Variants in TUBB1 observed in about 807,000 individuals in gnomAD.
TUBB1 encodes the protein tubulin beta 1 class VI, also known as tubulin beta-1 chain.
In TUBB1, 28 loss-of-function variants were observed where a neutral mutation model predicts 22.6. That is an observed-to-expected ratio of 1.24 (90% CI 0.92 to 1.70). TUBB1 has a LOEUF of 1.70. Ranked by LOEUF, TUBB1 falls within the 40% of genes most tolerant of loss-of-function variation. The probability of loss-of-function intolerance (pLI) is 0.00; values close to 1 mark genes in which losing one functional copy is unlikely to be tolerated. For synonymous variants in TUBB1, 226 were observed against 238.0 expected (o/e 0.95, Z 0.46); for missense variants, 577 against 605.5 (o/e 0.95, Z 0.49).
intron 1 of TUBB1, 94 bp downstream of exon 1, chr20:59,019,673 G>A: frequency 1.5e-6 from 2 of 1,295,548 alleles, no homozygotes; most frequent in Non-Finnish European, 2.2e-6. Flanking sequence ...AAGACAATAA[G>A]TCTAGCAGAT....
Position 59,023,502 on chromosome 20 carries a change from T to C in TUBB1, c.179T>C (p.Val60Ala), listed in dbSNP as rs1274378768. The part of the protein sequence containing the change: ...YYNEAYGRKY[V>A]PRAVLVDLEP... ...TTTTTCTACACAGGTAGGAAATATGTGCCCCGAGCAGTCTTGGTGGACCTA... is the reference window on the plus strand; with the variant it reads ...TTTTTCTACACAGGTAGGAAATATGCGCCCCGAGCAGTCTTGGTGGACCTA... The change falls in exon 3 of 4, where the codon GTG becomes GCG. Residue 60 changes from valine (V) to alanine (A), a missense_variant. Physicochemically the swap from Val to Ala is moderately conservative, Grantham distance 64. Transcript: ENST00000217133. 6.2e-7 allele frequency: 1 copy of C among 1,614,024 alleles called. No individual in the cohort carries two copies. Among genetic ancestry groups the C allele is most frequent in the African/African-American group, 1.3e-5 (1 of 74,922 alleles).
rs753978071 is a variant in TUBB1, at chr20:59,023,847, C to A, written c.420C>A (p.Gly140=). ...LQGFQIVHSL[G]GGTGSGMGTL... ...GCTTCCAGATCGTCCACTCCCTGGG[C>A]GGGGGCACAGGCTCCGGGATGGGCA... Residue 140 remains glycine (G), a synonymous_variant, in exon 4 of 4, where the codon GGC becomes GGA. Coordinates refer to ENST00000217133, the MANE Select transcript of TUBB1 (RefSeq NM_030773.4). The A allele has an allele frequency of 6.2e-7, 1 of 1,614,064 alleles. No individual in the cohort carries two copies. The highest frequency in any genetic ancestry group is 1.3e-5 in the African/African-American group (1 of 75,016).
At chr20:59,022,008 TAAACAAAC>T (rs113873196) in intron 1 of TUBB1, among the ~76,000 whole-genome samples, 36 of 149,378 alleles carry the variant, frequency 2.4e-4, no homozygotes, top group African/African-American at 7.7e-4. Context: ...AATAAATAAA[TAAACAAAC>T]AAACAAACAA....
chr20:59,019,105 T>C, upstream of TUBB1: 1 of 227,984 alleles, frequency 4.4e-6, no homozygotes, highest in Non-Finnish European at 8.9e-6. Flanking sequence ...GGAGGTGGTC[T>C]GGTTACCTGG....
rs748284018 is a variant in TUBB1 at position 59,023,597 on chromosome 20, C to A, written c.274C>A (p.His92Asn). The A allele has an allele frequency of 1.2e-6, 2 of 1,614,108 alleles. No homozygotes were observed. The highest frequency in any genetic ancestry group is 2.2e-5 in the South Asian group (2 of 91,070). The change falls in exon 3 of 4, where the codon CAT becomes AAT. Residue 92 changes from histidine (H) to asparagine (N), a missense_variant. Physicochemically the swap from His to Asn is moderately conservative, Grantham distance 68. Coordinates refer to ENST00000217133, the MANE Select transcript of TUBB1 (RefSeq NM_030773.4). The stretch of plus-strand genomic sequence containing the variant: ...TCTCTTTCAACCCGACAGTTTTGTC[C>A]ATGGTATGTTTTTCCAGAAGGTTCC... The part of the protein sequence containing the change: ...GALFQPDSFV[H>N]GNSGAGNNWA...
intron 1 of TUBB1, among the ~76,000 whole-genome samples, chr20:59,021,300 T>G (rs2091965881): frequency 1.3e-5 from 2 of 152,204 alleles, no homozygotes; most frequent in African/African-American, 4.8e-5. Context: ...GACTCATCAT[T>G]TAGAGATATA....
rs752726410 is a variant in TUBB1 at position 59,022,923 on chromosome 20, A to G, written c.136A>G (p.Arg46Gly). ...DRGASALQLE[R>G]ISVYYNEAYG... ...CGGGGCCTCGGCCTTGCAGCTGGAG[A>G]GAATCAGCGTGTACTACAACGAAGC... The change falls in exon 2 of 4, where the codon AGA becomes GGA. Residue 46 changes from arginine (R) to glycine (G), a missense_variant. Transcript: ENST00000217133. 6.2e-7 allele frequency: 1 copy of G among 1,614,038 alleles called. No homozygotes were observed. The highest frequency in any genetic ancestry group is 1.1e-5 in the South Asian group (1 of 91,068).
In TUBB1 at chr20:59,024,768, A is replaced by C; in HGVS notation, c.1341A>C (p.Glu447Asp). ...CGGAGGAGGCAGAAATGGAGCCAGA[A>C]GATAAGGGACATTAACTGTGAGAGA... is the stretch of plus-strand genomic sequence containing the variant. The part of the protein sequence containing the change: ...EVTEEAEMEP[E>D]DKGH The change falls in exon 4 of 4, where the codon GAA (glutamate) becomes GAC (aspartate). Residue 447 changes from glutamate to aspartate, a missense_variant. Coordinates refer to ENST00000217133, the MANE Select transcript of TUBB1 (RefSeq NM_030773.4). This position sits in a 1 kb window ranked among gnomAD's most constrained non-coding sequence, Gnocchi z 4.9. The C allele has an allele frequency of 6.2e-7, 1 of 1,614,126 alleles. No individual in the cohort carries two copies. The highest frequency in any genetic ancestry group is 8.5e-7 in the Non-Finnish European group (1 of 1,180,002).
At position 59,023,981 on chromosome 20, in the gene TUBB1, C is replaced by T. The variant is rs146846923; in HGVS notation, c.554C>T (p.Ala185Val). 73 of 1,613,984 alleles carry T rather than the reference C, an allele frequency of 4.5e-5. No homozygotes were observed. The highest frequency in any genetic ancestry group is 7.7e-5 in the South Asian group (7 of 91,070). ...VSDTVVEPYN[A>V]VLSIHQLIEN... is the part of the protein sequence containing the mutation. ...GACACTGTGGTGGAGCCCTACAACGCGGTTCTGTCTATCCACCAGCTGATT... is the reference window on the plus strand; with the variant it reads ...GACACTGTGGTGGAGCCCTACAACGTGGTTCTGTCTATCCACCAGCTGATT... Residue 185 changes from alanine to valine, a missense_variant, in exon 4 of 4, where the codon GCG (alanine) becomes GTG (valine). Ala to Val is a moderately conservative substitution (Grantham distance 64, BLOSUM62 0). Coordinates refer to ENST00000217133, the MANE Select transcript of TUBB1 (RefSeq NM_030773.4).
intron 2 of TUBB1, among the ~76,000 whole-genome samples, 168 bp from the exon 3 acceptor site, chr20:59,023,322 T>C (rs2091976976): frequency 6.6e-6 from 1 of 152,164 alleles, no homozygotes; most frequent in African/African-American, 2.4e-5. Flanking sequence ...GTGGGATTGT[T>C]GTTGGGGTAA....
intron 2 of TUBB1, 94 bp downstream of exon 2, chr20:59,023,047 G>A (rs1214207722): frequency 8.4e-7 from 1 of 1,186,116 alleles, no homozygotes; most frequent in African/African-American, 1.5e-5. Flanking sequence ...TGTCAAAGCA[G>A]TGATGTCTAT....
intron 1 of TUBB1, among the ~76,000 whole-genome samples, chr20:59,022,172 T>G (rs897570656): frequency 1.3e-5 from 2 of 151,806 alleles, no homozygotes; most frequent in Non-Finnish European, 2.9e-5. Context: ...CCGTGTCTAC[T>G]AAAAATATAA....
In TUBB1 at chr20:59,024,035, A is replaced by G. The variant is rs778748456; in HGVS notation, c.608A>G (p.Asp203Gly). 1 of 1,614,118 alleles carries G rather than the reference A, an allele frequency of 6.2e-7. No individual in the cohort carries two copies. Among genetic ancestry groups the G allele is most frequent in the East Asian group, 2.2e-5 (1 of 44,898 alleles). Residue 203 changes from aspartate to glycine, a missense_variant, in exon 4 of 4, where the codon GAC becomes GGC. By Grantham distance (94) the Asp-to-Gly change is moderately conservative (BLOSUM62 -1). Transcript: ENST00000217133. The surrounding 1 kb of genome is among the most constrained non-coding windows in gnomAD (Gnocchi z 4.9). ...AATGCAGATGCCTGTTTCTGCATTG[A>G]CAATGAGGCCCTCTATGACATCTGC... is the stretch of plus-strand genomic sequence containing the variant. Reference protein sequence around the residue: ...IENADACFCIDNEALYDICFR... With the variant: ...IENADACFCIGNEALYDICFR...
chr20:59,021,198 C>T (rs62205396), intron 1 of TUBB1, among the ~76,000 whole-genome samples: 2,553 of 152,204 alleles, frequency 0.017, 27 homozygotes, highest in Middle Eastern at 0.065. Context: ...GAAGATAATA[C>T]GGAAAGGGGC....
In TUBB1 at chr20:59,023,609, T is replaced by C; in HGVS notation, c.277+9T>C. 1 of 1,614,140 alleles carries C rather than the reference T, an allele frequency of 6.2e-7. No homozygotes were observed. Among genetic ancestry groups the C allele is most frequent in the Non-Finnish European group, 8.5e-7 (1 of 1,179,994 alleles). ...CGACAGTTTTGTCCATGGTATGTTT[T>C]TCCAGAAGGTTCCACCAGGAGGAGG... On this transcript the variant is annotated intron_variant, in intron 3 of 3. Coordinates refer to ENST00000217133, the MANE Select transcript of TUBB1 (RefSeq NM_030773.4).
In TUBB1 at chr20:59,026,126, A is replaced by G. The variant is rs1199898702; in HGVS notation, c.*1343A>G. ...CATCTCTTGATTTGCTTTTGTAATC[A>G]GCAATAATAAAATAGCAGGTAGATG... On this transcript the variant is annotated 3_prime_UTR_variant, in exon 4 of 4. Transcript: ENST00000217133. The G allele has an allele frequency of 6.6e-6, 1 of 152,256 alleles. No homozygotes were observed. Among genetic ancestry groups the G allele is most frequent in the Non-Finnish European group, 1.5e-5 (1 of 68,046 alleles). The allele number at this position is 152,256 out of a possible 1,614,324, so 9.4% of individuals were successfully genotyped here. A position where few individuals can be genotyped will look rare whatever the true frequency, so the allele number is the denominator to read the frequency against.
Position 59,021,806 on chromosome 20 carries a change from C to T in TUBB1, c.58-1039C>T, listed in dbSNP as rs530053666. Among the ~76,000 whole-genome samples the T allele has an allele frequency of 7.2e-5, 11 of 152,258 alleles. No homozygotes were observed. The South Asian group carries it at 2.3e-3, about 32-fold the overall frequency. On this transcript the variant is annotated intron_variant, in intron 1 of 3. Transcript: ENST00000217133. The stretch of plus-strand genomic sequence containing the variant: ...GGTCAGGAGTTTGAGACCAGCCTGG[C>T]TAACATGGCAAAACCCTGTCTCTAC...
Position 59,024,217 on chromosome 20 carries a change from C to T in TUBB1, c.790C>T (p.His264Tyr). The T allele has an allele frequency of 1.2e-6, 2 of 1,614,172 alleles. No homozygotes were observed. The highest frequency in any genetic ancestry group is 1.6e-4 in the Middle Eastern group (1 of 6,062). Residue 264 changes from histidine to tyrosine, a missense_variant, in exon 4 of 4, where the codon CAC (histidine) becomes TAC (tyrosine). By Grantham distance (83) the His-to-Tyr change is moderately conservative. Coordinates refer to ENST00000217133, the MANE Select transcript of TUBB1 (RefSeq NM_030773.4). The surrounding 1 kb of genome is among the most constrained non-coding windows in gnomAD (Gnocchi z 4.9). Reference protein sequence around the residue: ...AVNMVPFPRLHFFMPGFAPLT... With the variant: ...AVNMVPFPRLYFFMPGFAPLT... ...GAACATGGTCCCCTTCCCCCGCCTG[C>T]ACTTCTTTATGCCCGGCTTTGCCCC...
At position 59,019,552 on chromosome 20, in the gene TUBB1, C is replaced by G; in HGVS notation, c.30C>G (p.Gly10=). Residue 10 remains glycine, a synonymous_variant, in exon 1 of 4, where the codon GGC becomes GGG. Coordinates refer to ENST00000217133, the MANE Select transcript of TUBB1 (RefSeq NM_030773.4). ...GTGAAATTGTCCATATTCAGATTGG[C>G]CAGTGTGGCAACCAGATCGGAGCCA... is the stretch of plus-strand genomic sequence containing the variant. The part of the protein sequence containing the change: MREIVHIQI[G]QCGNQIGAKF... 1 of 1,614,168 alleles carries G rather than the reference C, an allele frequency of 6.2e-7. No homozygotes were observed. The highest frequency in any genetic ancestry group is 8.5e-7 in the Non-Finnish European group (1 of 1,180,026).
Sources: gnomAD v4.1 joint callset for allele counts (sites outside exome capture counted in the v4.1 genomes callset) on GRCh38, gnomAD v4.1.1 for gene constraint, Gnocchi (gnomAD v3.1) non-coding constraint, MANE v1.5 for transcripts, NCBI Gene and HGNC (gene_info 2026-07-23, HGNC 2026-07-21) for gene names.